Variants in ZNF521 observed in about 807,000 individuals in gnomAD.
The protein encoded by ZNF521 is zinc finger protein 521.
In ZNF521, 14 loss-of-function variants were observed where a neutral mutation model predicts 105.5. That is an observed-to-expected ratio of 0.13 (90% CI 0.09 to 0.21). ZNF521 has a LOEUF of 0.21. ZNF521 is among the 10% of genes least tolerant of loss of function. ZNF521 has a pLI of 1.00. For missense variants in ZNF521, 1,233 were observed against 1,629.7 expected (o/e 0.76, Z 4.19); for synonymous variants, 635 against 606.0 (o/e 1.05, Z -0.70).
chr18:25,109,806 TTC>T (rs1008555498), intron 5 of ZNF521, among the ~76,000 whole-genome samples: 6 of 152,206 alleles, frequency 3.9e-5, no homozygotes, highest in African/African-American at 1.4e-4. Flanking sequence ...GTTTGTTTTT[TTC>T]TTGTTGTGCT....
chr18:25,152,491 GA>G lies in ZNF521; in HGVS notation c.3658+42668del, dbSNP rs537591152. ...GAGACTCGGTCTCAAAAAAAAAAAA[GA>G]AAAAAAAAAGAAAGAAAAGAAAGCT... On this transcript the variant is annotated intron_variant, in intron 5 of 7. Transcript: ENST00000361524. Among the ~76,000 whole-genome samples, 26 of 138,358 alleles carry G rather than the reference GA, an allele frequency of 1.9e-4. No homozygotes were observed. The South Asian group carries it at 3.5e-3, about 18-fold the overall frequency. The allele number at this position is 138,358 out of a possible 152,430, so 90.8% of individuals were successfully genotyped here.
At chr18:25,236,122 C>T (rs911550489) in intron 3 of ZNF521, among the ~76,000 whole-genome samples, 1 of 152,206 alleles carries the variant, frequency 6.6e-6, no homozygotes, top group Non-Finnish European at 1.5e-5. Flanking sequence ...CCACTGAGAT[C>T]GCTAGTGAGT....
chr18:25,290,990 G>A (rs1910985669), intron 3 of ZNF521, among the ~76,000 whole-genome samples: 1 of 152,078 alleles, frequency 6.6e-6, no homozygotes. Flanking sequence ...GAAATATAAA[G>A]CTTTGTGGGG....
At chr18:25,245,945 G>C (rs1454847781) in intron 3 of ZNF521, among the ~76,000 whole-genome samples, 1 of 152,160 alleles carries the variant, frequency 6.6e-6, no homozygotes, top group Non-Finnish European at 1.5e-5. Flanking sequence ...CCACGAGTTT[G>C]AGGTTACTGT....
At chr18:25,204,436 A>C in intron 4 of ZNF521, among the ~76,000 whole-genome samples, 1 of 152,186 alleles carries the variant, frequency 6.6e-6, no homozygotes, top group East Asian at 1.9e-4. Context: ...ACAGGTATGC[A>C]TTAAAAGCAA....
chr18:25,069,269 T>C (rs572776855), intron 7 of ZNF521, among the ~76,000 whole-genome samples: 3 of 152,282 alleles, frequency 2.0e-5, no homozygotes, highest in African/African-American at 7.2e-5. Context: ...CAGCTAATGA[T>C]GACAGGATCC....
intron 5 of ZNF521, among the ~76,000 whole-genome samples, chr18:25,125,972 T>C (rs2034532141): frequency 6.6e-6 from 1 of 152,056 alleles, no homozygotes; most frequent in Non-Finnish European, 1.5e-5. Flanking sequence ...TTGTGCACCA[T>C]ATTCCCCTTC....
chr18:25,291,951 T>C (rs1238746899), intron 3 of ZNF521, among the ~76,000 whole-genome samples: 1 of 152,180 alleles, frequency 6.6e-6, no homozygotes, highest in Non-Finnish European at 1.5e-5. Context: ...AAAAATCATC[T>C]TTTTAACTTC....
chr18:25,307,402 G>T (rs1028565727), intron 3 of ZNF521, among the ~76,000 whole-genome samples: 25 of 152,196 alleles, frequency 1.6e-4, no homozygotes, highest in African/African-American at 6.0e-4. Flanking sequence ...GGGCTGCGCT[G>T]GTTGCAGGGA....
intron 5 of ZNF521, among the ~76,000 whole-genome samples, chr18:25,162,197 G>A (rs150878029): frequency 6.6e-5 from 10 of 152,118 alleles, no homozygotes; most frequent in Admixed American, 1.3e-4. Flanking sequence ...ACAAATAGTC[G>A]TTTCAATGAA....
intron 4 of ZNF521, among the ~76,000 whole-genome samples, chr18:25,221,391 A>G (rs1905718520): frequency 6.6e-6 from 1 of 152,174 alleles, no homozygotes; most frequent in Admixed American, 6.5e-5. Context: ...TATCCTACCT[A>G]GTCTCAATCA....
intron 5 of ZNF521, among the ~76,000 whole-genome samples, chr18:25,151,663 G>A (rs973932188): frequency 2.0e-5 from 3 of 152,152 alleles, no homozygotes; most frequent in Admixed American, 6.5e-5. Context: ...AGGGCTTCTC[G>A]CTTAGCAGTA....
chr18:25,217,960 G>A (rs1272338865), intron 4 of ZNF521, among the ~76,000 whole-genome samples: 1 of 152,174 alleles, frequency 6.6e-6, no homozygotes, highest in Non-Finnish European at 1.5e-5. Flanking sequence ...CAGTCAAGAG[G>A]AGAGAGGTTA....
intron 2 of ZNF521, among the ~76,000 whole-genome samples, chr18:25,343,650 A>G (rs937200585): frequency 6.6e-6 from 1 of 152,216 alleles, no homozygotes; most frequent in Non-Finnish European, 1.5e-5. Flanking sequence ...ATGCTTTCCA[A>G]ACCAAATCAT....
At position 25,325,584 on chromosome 18, in the gene ZNF521, A is replaced by T. The variant is rs115188484; in HGVS notation, c.41-3397T>A. Among the ~76,000 whole-genome samples, 258 of 152,226 alleles carry T rather than the reference A, an allele frequency of 1.7e-3. 1 individual carries two copies. The highest frequency in any genetic ancestry group is 6.0e-3 in the African/African-American group (251 of 41,508). On this transcript the variant is annotated intron_variant, in intron 2 of 7. Coordinates refer to ENST00000361524, the MANE Select transcript of ZNF521 (RefSeq NM_015461.3). The stretch of plus-strand genomic sequence containing the variant: ...ATATCCCCAAACTCTCTACACTGCA[A>T]CTACAAACTGTGTCATAGCTGCAGG...
In ZNF521 at chr18:25,227,213, G is replaced by A; in HGVS notation, c.705C>T (p.Ser235=). 2 of 1,614,168 alleles carry A rather than the reference G, an allele frequency of 1.2e-6. No individual in the cohort carries two copies. The highest frequency in any genetic ancestry group is 2.2e-5 in the South Asian group (2 of 91,086). The change falls in exon 4 of 8, where the codon TCC becomes TCT. Residue 235 remains serine (S), a synonymous_variant. Coordinates refer to ENST00000361524, the MANE Select transcript of ZNF521 (RefSeq NM_015461.3). This position sits in a 1 kb window ranked among gnomAD's most constrained non-coding sequence, Gnocchi z 5.7. Reference sequence around the variant, plus strand: ...CCTTCATCTTCCAGTCCTCCATCCTGGAACCGGACTGAGAGCCGTCCTTGT... The same window carrying A: ...CCTTCATCTTCCAGTCCTCCATCCTAGAACCGGACTGAGAGCCGTCCTTGT... ...ERNKDGSQSG[S]RMEDWKMKDT... is the part of the protein sequence containing the mutation.
chr18:25,064,475 T>C (rs2032998085), intron 7 of ZNF521, among the ~76,000 whole-genome samples: 1 of 152,220 alleles, frequency 6.6e-6, no homozygotes. Flanking sequence ...TGAATTCTTC[T>C]GGAGTGTTCT....
intron 5 of ZNF521, among the ~76,000 whole-genome samples, chr18:25,139,036 G>T (rs2034792177): frequency 6.6e-6 from 1 of 152,108 alleles, no homozygotes; most frequent in African/African-American, 2.4e-5. Flanking sequence ...ATGCCTGTTG[G>T]GTTGTTGAGT....
intron 5 of ZNF521, among the ~76,000 whole-genome samples, chr18:25,192,819 G>GTACCC (rs1222793957): frequency 6.6e-6 from 1 of 151,984 alleles, no homozygotes; most frequent in African/African-American, 2.4e-5. Context: ...TTCTAAAAAG[G>GTACCC]GGTATCTTAG....
Sources: gnomAD v4.1 joint callset for allele counts (sites outside exome capture counted in the v4.1 genomes callset) on GRCh38, gnomAD v4.1.1 for gene constraint, Gnocchi (gnomAD v3.1) non-coding constraint, MANE v1.5 for transcripts, NCBI Gene and HGNC (gene_info 2026-07-23, HGNC 2026-07-21) for gene names.